BBS12: variants seen among roughly 807,000 people sequenced by gnomAD.
BBS12 encodes chaperonin-containing T-complex member BBS12.
In BBS12, 5 loss-of-function variants were observed where a neutral mutation model predicts 5.6. The ratio of observed to expected loss-of-function variants is 0.89; its 90% CI spans 0.46 to 1.86. The LOEUF (loss-of-function observed/expected upper bound fraction) is 1.86, where lower values mean the gene tolerates loss of function less well. Among genes scored for constraint, BBS12 ranks in the 40% most tolerant of loss-of-function variants. BBS12 has a pLI of 0.01. For synonymous variants in BBS12, 308 were observed against 306.8 expected (o/e 1.00, Z -0.04); for missense variants, 748 against 830.4 (o/e 0.90, Z 1.22).
the BBS12 span, among the ~76,000 whole-genome samples, chr4:122,715,320 GAAAAA>G: frequency 9.3e-6 from 1 of 108,092 alleles, no homozygotes; most frequent in Non-Finnish European, 2.0e-5. Context: ...ATCTCTATTT[GAAAAA>G]AAAAAAAAAA....
At chr4:122,740,611 C>T (rs1800854797) in intron 1 of BBS12, among the ~76,000 whole-genome samples, 1 of 152,100 alleles carries the variant, frequency 6.6e-6, no homozygotes, top group Non-Finnish European at 1.5e-5. Context: ...CACAGTGCCT[C>T]CTGGTACATT....
the BBS12 span, among the ~76,000 whole-genome samples, chr4:122,717,066 C>T: frequency 2.0e-5 from 3 of 152,286 alleles, no homozygotes; most frequent in African/African-American, 7.2e-5. Flanking sequence ...ATGGGACCAA[C>T]CCCTATTCCA....
chr4:122,732,782 C>T lies in BBS12; in HGVS notation c.-113C>T, dbSNP rs1173722914. 1 of 152,446 alleles carries T rather than the reference C, an allele frequency of 6.6e-6. No individual in the cohort carries two copies. 9.4% of individuals were successfully genotyped at this position (152,446 alleles called of 1,614,324 possible). A position where few individuals can be genotyped will look rare whatever the true frequency, so the allele number is the denominator to read the frequency against. On this transcript the variant is annotated 5_prime_UTR_variant, in exon 1 of 2. Transcript: ENST00000314218. ...AAACTGCGGACGGGGAACTGGGCTCCCTAGCCCTGGCGTTTTTGGTGTTGC... is the reference window on the plus strand; with the variant it reads ...AAACTGCGGACGGGGAACTGGGCTCTCTAGCCCTGGCGTTTTTGGTGTTGC...
chr4:122,733,474 A>G (rs922331034), intron 1 of BBS12, among the ~76,000 whole-genome samples: 3 of 150,990 alleles, frequency 2.0e-5, no homozygotes, highest in Admixed American at 6.6e-5. Flanking sequence ...GTTGTCAACG[A>G]TATCAACTTG....
chr4:122,726,701 C>A, the BBS12 span, among the ~76,000 whole-genome samples: 30 of 152,254 alleles, frequency 2.0e-4, no homozygotes, highest in African/African-American at 7.0e-4. Context: ...ATGGAACCAG[C>A]CCAAATGCCC....
At chr4:122,737,489 G>A (rs557735645) in intron 1 of BBS12, among the ~76,000 whole-genome samples, 60 of 152,258 alleles carry the variant, frequency 3.9e-4, no homozygotes, top group African/African-American at 1.3e-3. Context: ...CCTCCCTCAT[G>A]TTGTTGTGAA....
Position 122,741,383 on chromosome 4 carries a change from C to T in BBS12, c.-10-500C>T, listed in dbSNP as rs374805689. On this transcript the variant is annotated intron_variant, in intron 1 of 1. Coordinates refer to ENST00000314218, the MANE Select transcript of BBS12 (RefSeq NM_152618.3). The stretch of plus-strand genomic sequence containing the variant: ...TGTATTTTTAGTAGAGACGAGGTTT[C>T]GCCATATTGGCCAGGCTGGTCTCGA... 2.0e-5 allele frequency among the ~76,000 whole-genome samples: 3 copies of T among 152,160 alleles called. No individual in the cohort carries two copies. The South Asian group carries it at 6.2e-4, about 31-fold the overall frequency.
rs1800717578 is a variant in BBS12 at position 122,732,770 on chromosome 4, G to A, written c.-125G>A. The A allele has an allele frequency of 6.6e-6, 1 of 152,436 alleles. No homozygotes were observed. Among genetic ancestry groups the A allele is most frequent in the East Asian group, 1.9e-4 (1 of 5,202 alleles). The allele number at this position is 152,436 out of a possible 1,614,324, so 9.4% of individuals were successfully genotyped here. A position where few individuals can be genotyped will look rare whatever the true frequency, so the allele number is the denominator to read the frequency against. On this transcript the variant is annotated 5_prime_UTR_variant, in exon 1 of 2. Coordinates refer to ENST00000314218, the MANE Select transcript of BBS12 (RefSeq NM_152618.3). ...TCGCACATGCGCAAACTGCGGACGGGGAACTGGGCTCCCTAGCCCTGGCGT... is the reference window on the plus strand; with the variant it reads ...TCGCACATGCGCAAACTGCGGACGGAGAACTGGGCTCCCTAGCCCTGGCGT...
chr4:122,727,570 G>C, the BBS12 span, among the ~76,000 whole-genome samples: 1 of 38,032 alleles, frequency 2.6e-5, no homozygotes, highest in Non-Finnish European at 4.0e-5. Context: ...TTTTTTTTGA[G>C]ATGGAGTCTC....
At chr4:122,708,125 C>A in the BBS12 span, among the ~76,000 whole-genome samples, 1 of 151,898 alleles carries the variant, frequency 6.6e-6, no homozygotes, top group Non-Finnish European at 1.5e-5. Context: ...GATCCTCCCA[C>A]ATCAGCCTCC....
chr4:122,738,070 T>C (rs1288861476), intron 1 of BBS12, among the ~76,000 whole-genome samples: 2 of 152,206 alleles, frequency 1.3e-5, no homozygotes, highest in African/African-American at 4.8e-5. Context: ...ATAAAACTCT[T>C]TGAATAAAAC....
At chr4:122,721,196 G>A in the BBS12 span, among the ~76,000 whole-genome samples, 1 of 152,210 alleles carries the variant, frequency 6.6e-6, no homozygotes, top group Non-Finnish European at 1.5e-5. Flanking sequence ...ATACCAAAGA[G>A]TTATTTAGGC....
chr4:122,741,317 G>T (rs1017592026), intron 1 of BBS12, among the ~76,000 whole-genome samples: 2 of 152,168 alleles, frequency 1.3e-5, no homozygotes, highest in Non-Finnish European at 2.9e-5. Flanking sequence ...CCCCAAAGTA[G>T]CTGGGACTAC....
At chr4:122,704,629 C>G in the BBS12 span, among the ~76,000 whole-genome samples, 1 of 152,202 alleles carries the variant, frequency 6.6e-6, no homozygotes, top group Admixed American at 6.5e-5. Context: ...GTTTTGCTGG[C>G]TTTATGAATA....
At chr4:122,715,270 T>C in the BBS12 span, among the ~76,000 whole-genome samples, 7 of 149,954 alleles carry the variant, frequency 4.7e-5, no homozygotes, top group Non-Finnish European at 1.0e-4. Flanking sequence ...TAGCATGTCC[T>C]AAACCATTCT....
chr4:122,738,709 T>C (rs758631009), intron 1 of BBS12, among the ~76,000 whole-genome samples: 1 of 152,108 alleles, frequency 6.6e-6, no homozygotes, highest in Non-Finnish European at 1.5e-5. Context: ...AAGACTTGAA[T>C]AGACATTTCT....
the BBS12 span, among the ~76,000 whole-genome samples, chr4:122,723,744 A>G: frequency 1.3e-5 from 2 of 152,232 alleles, no homozygotes; most frequent in Admixed American, 1.3e-4. Context: ...AACAGCTTAG[A>G]GGAAGAAAGT....
chr4:122,721,807 G>A, the BBS12 span, among the ~76,000 whole-genome samples: 1 of 152,184 alleles, frequency 6.6e-6, no homozygotes, highest in Non-Finnish European at 1.5e-5. Context: ...AAGTCATATA[G>A]TGTCACCTTT....
At chr4:122,727,544 ATTTTTTTT>A in the BBS12 span, among the ~76,000 whole-genome samples, 55 of 82,302 alleles carry the variant, frequency 6.7e-4, 1 homozygote, top group Non-Finnish European at 1.1e-3. Context: ...CCCCTGGCCA[ATTTTTTTT>A]TTTTTTTTTT....
Sources: allele counts gnomAD v4.1 joint callset (sites outside exome capture counted in the v4.1 genomes callset), GRCh38; gene constraint gnomAD v4.1.1; transcripts MANE v1.5; gene names NCBI Gene and HGNC (gene_info 2026-07-23, HGNC 2026-07-21).